The following MARCHF7 variants were observed in gnomAD, a reference collection of about 807,000 sequenced individuals.
MARCHF7 encodes the protein E3 ubiquitin-protein ligase MARCHF7.
Under a neutral mutation model 76.5 loss-of-function variants are expected in MARCHF7, and 20 were observed. The observed-to-expected ratio is 0.26, with a 90% CI of 0.18 to 0.38. The LOEUF is 0.38. Among genes scored for constraint, MARCHF7 ranks in the 10% least tolerant of loss-of-function variants. MARCHF7 has a pLI of 1.00. For missense variants in MARCHF7, 797 were observed against 812.9 expected (o/e 0.98, Z 0.24); for synonymous variants, 295 against 293.0 (o/e 1.01, Z -0.07).
chr2:159,745,968 T>C (rs755083622), intron 6 of MARCHF7, 31 bp downstream of exon 6: 6 of 1,567,008 alleles, frequency 3.8e-6, no homozygotes, highest in Non-Finnish European at 5.2e-6. Context: ...GTATAACTTC[T>C]CATAATGTTC....
rs1046643410 is a variant in MARCHF7 at position 159,770,922 on chromosome 2, G to A, written c.*3580G>A. The A allele has an allele frequency of 1.3e-5, 2 of 152,092 alleles. No individual in the cohort carries two copies. Among genetic ancestry groups the A allele is most frequent in the African/African-American group, 4.8e-5 (2 of 41,418 alleles). 9.4% of individuals were successfully genotyped at this position (152,092 alleles called of 1,614,324 possible). Reference sequence around the variant, plus strand: ...TTCCTGTTTTTGGTTTATTGATGGTGAGGAAAATTACTCGTTTCAGCTTTT... The same window carrying A: ...TTCCTGTTTTTGGTTTATTGATGGTAAGGAAAATTACTCGTTTCAGCTTTT... On this transcript the variant is annotated 3_prime_UTR_variant, in exon 12 of 12. Coordinates refer to ENST00000409175, the MANE Select transcript of MARCHF7 (RefSeq NM_001282805.2).
intron 4 of MARCHF7, among the ~76,000 whole-genome samples, chr2:159,735,987 T>C (rs1343056844): frequency 6.6e-6 from 1 of 152,102 alleles, no homozygotes; most frequent in Non-Finnish European, 1.5e-5. Context: ...ACTAACCTGA[T>C]ATGGTGGTGC....
At chr2:159,734,400 T>C (rs1703201912) in intron 4 of MARCHF7, among the ~76,000 whole-genome samples, 4 of 139,626 alleles carry the variant, frequency 2.9e-5, no homozygotes, top group Non-Finnish European at 3.3e-5. Flanking sequence ...GAACCAGTGG[T>C]CATTAATTTT....
chr2:159,749,738 G>A (rs968381724), intron 7 of MARCHF7, among the ~76,000 whole-genome samples: 3 of 113,008 alleles, frequency 2.7e-5, no homozygotes, highest in Non-Finnish European at 6.1e-5. Context: ...TGGTTGGGGC[G>A]GGGGGGGCGG....
Position 159,745,800 on chromosome 2 carries a change from G to C in MARCHF7, c.377G>C (p.Arg126Thr). ...TCTTGGAGGCATAGTCAAGTTCCTAGATCTTCATCAATGGTACTTGGATCA... is the reference window on the plus strand; with the variant it reads ...TCTTGGAGGCATAGTCAAGTTCCTACATCTTCATCAATGGTACTTGGATCA... Reference protein sequence around the residue: ...DSSWRHSQVPRSSSMVLGSFG... With the variant: ...DSSWRHSQVPTSSSMVLGSFG... Residue 126 changes from arginine to threonine, a missense_variant, in exon 6 of 12, where the codon AGA (arginine) becomes ACA (threonine). Arg to Thr is a moderately conservative substitution (Grantham distance 71, BLOSUM62 -1). Transcript: ENST00000409175. 1 of 1,608,954 alleles carries C rather than the reference G, an allele frequency of 6.2e-7. No individual in the cohort carries two copies. Among genetic ancestry groups the C allele is most frequent in the Middle Eastern group, 1.7e-4 (1 of 6,046 alleles).
intron 5 of MARCHF7, among the ~76,000 whole-genome samples, chr2:159,743,874 C>CT (rs1704462737): frequency 6.6e-6 from 1 of 150,560 alleles, no homozygotes; most frequent in East Asian, 2.0e-4. Flanking sequence ...TGCCAATGCA[C>CT]TGTAGCCTGG....
chr2:159,741,700 C>T (rs1049504223), intron 4 of MARCHF7, among the ~76,000 whole-genome samples: 3 of 152,152 alleles, frequency 2.0e-5, no homozygotes, highest in Admixed American at 2.0e-4. Context: ...TTTTGTTAAA[C>T]AGAAGAACAC....
rs1288327567 is a variant in MARCHF7, at chr2:159,769,137, C to T, written c.*1795C>T. 1 of 152,176 alleles carries T rather than the reference C, an allele frequency of 6.6e-6. No individual in the cohort carries two copies. 9.4% of individuals were successfully genotyped at this position (152,176 alleles called of 1,614,324 possible). A position where few individuals can be genotyped will look rare whatever the true frequency, so the allele number is the denominator to read the frequency against. On this transcript the variant is annotated 3_prime_UTR_variant, in exon 12 of 12. Coordinates refer to ENST00000409175, the MANE Select transcript of MARCHF7 (RefSeq NM_001282805.2). ...AACAAAAGAGACCATACACTGCTCA[C>T]TACAAGAATGCAATTTTCTAAGAAA...
intron 10 of MARCHF7, among the ~76,000 whole-genome samples, chr2:159,763,896 A>C (rs1031323280): frequency 1.3e-5 from 2 of 152,194 alleles, no homozygotes; most frequent in Non-Finnish European, 2.9e-5. Context: ...CATATTATCT[A>C]TCAAGAGCAT....
rs996534701 is a variant in MARCHF7 at position 159,770,451 on chromosome 2, TAAAA to T, written c.*3111_*3114del. 3.0e-4 allele frequency: 46 copies of T among 152,164 alleles called. No individual in the cohort carries two copies. Among genetic ancestry groups the T allele is most frequent in the African/African-American group, 1.1e-3 (44 of 41,490 alleles). The allele number at this position is 152,164 out of a possible 1,614,324, so 9.4% of individuals were successfully genotyped here. On this transcript the variant is annotated 3_prime_UTR_variant, in exon 12 of 12. Coordinates refer to ENST00000409175, the MANE Select transcript of MARCHF7 (RefSeq NM_001282805.2). ...GAGTGTTTTCGATTCATGTGGTCAA[TAAAA>T]AGAGACTACACAAGCTGGAACTTTG...
At chr2:159,737,139 T>C (rs1334925025) in intron 4 of MARCHF7, among the ~76,000 whole-genome samples, 1 of 152,204 alleles carries the variant, frequency 6.6e-6, no homozygotes, top group Non-Finnish European at 1.5e-5. Context: ...ATACGAGTGC[T>C]CATAGTCGGG....
At chr2:159,764,212 T>TTTTGTG (rs1553787986) in intron 10 of MARCHF7, among the ~76,000 whole-genome samples, 1 of 138,566 alleles carries the variant, frequency 7.2e-6, no homozygotes, top group African/African-American at 2.8e-5. Flanking sequence ...CTTGGGAGTT[T>TTTTGTG]TGTGTGTGTG....
intron 3 of MARCHF7, among the ~76,000 whole-genome samples, chr2:159,722,007 A>G (rs1053222849): frequency 6.6e-6 from 1 of 152,168 alleles, no homozygotes; most frequent in South Asian, 2.1e-4. Flanking sequence ...GGAAAAGACC[A>G]TTTCATTGAC....
At position 159,759,271 on chromosome 2, in the gene MARCHF7, A is replaced by T. The variant is rs1264917388; in HGVS notation, c.1829A>T (p.Lys610Met). The T allele has an allele frequency of 6.2e-7, 1 of 1,612,182 alleles. No individual in the cohort carries two copies. The highest frequency in any genetic ancestry group is 8.5e-7 in the Non-Finnish European group (1 of 1,178,598). Residue 610 changes from lysine (K) to methionine (M), a missense_variant, in exon 9 of 12, where the codon AAG becomes ATG. By Grantham distance (95) the Lys-to-Met change is moderately conservative. Transcript: ENST00000409175. ...ACCACCTGTGAACTATGTAAAGAGA[A>T]GTTGGAGCTTAACCTGGAGGATTTT... The part of the protein sequence containing the change: ...AVTTCELCKE[K>M]LELNLEDFDI...
At chr2:159,725,470 A>G (rs1702062176) in intron 3 of MARCHF7, among the ~76,000 whole-genome samples, 1 of 152,202 alleles carries the variant, frequency 6.6e-6, no homozygotes, top group Non-Finnish European at 1.5e-5. Context: ...TGTTGGCTGC[A>G]TAAATGTCTT....
intron 8 of MARCHF7, among the ~76,000 whole-genome samples, chr2:159,752,948 G>A (rs1305603842): frequency 6.6e-6 from 1 of 152,288 alleles, no homozygotes; most frequent in South Asian, 2.1e-4. Flanking sequence ...GGCAAATTAC[G>A]ATTATAGGCT....
chr2:159,749,786 G>A (rs1466561903), intron 7 of MARCHF7, among the ~76,000 whole-genome samples: 2 of 152,078 alleles, frequency 1.3e-5, no homozygotes, highest in Admixed American at 6.5e-5. Flanking sequence ...TATTTTAACC[G>A]GGTTGGAATA....
At chr2:159,762,813 A>G in intron 9 of MARCHF7, 67 bp from the exon 10 acceptor site, 1 of 881,976 alleles carries the variant, frequency 1.1e-6, no homozygotes, top group Non-Finnish European at 1.8e-6. Flanking sequence ...TGTGAGTATC[A>G]ATCTCAATTC....
At chr2:159,754,430 G>A (rs970632710) in intron 8 of MARCHF7, among the ~76,000 whole-genome samples, 1 of 152,046 alleles carries the variant, frequency 6.6e-6, no homozygotes, top group African/African-American at 2.4e-5. Context: ...CTGGAATGGT[G>A]GGTTCCTAAG....
Sources: gnomAD v4.1 joint callset for allele counts (sites outside exome capture counted in the v4.1 genomes callset) on GRCh38, gnomAD v4.1.1 for gene constraint, MANE v1.5 for transcripts, NCBI Gene and HGNC (gene_info 2026-07-23, HGNC 2026-07-21) for gene names.